The following AKAP11 variants were observed in gnomAD, a reference collection of about 807,000 sequenced individuals.
AKAP11 encodes A-kinase anchor protein 11.
AKAP11 carries 36 observed loss-of-function variants against 146.1 expected under a neutral mutation model. The ratio of observed to expected loss-of-function variants is 0.25; its 90% CI spans 0.19 to 0.33. The LOEUF is 0.33. Ranked by LOEUF, AKAP11 falls within the 10% of genes least tolerant of loss-of-function variation. The pLI, the probability that AKAP11 is intolerant of heterozygous loss-of-function variation, is 1.00. For synonymous variants in AKAP11, 780 were observed against 786.5 expected (o/e 0.99, Z 0.14); for missense variants, 2,201 against 2,197.0 (o/e 1.00, Z -0.04).
intron 1 of AKAP11, among the ~76,000 whole-genome samples, chr13:42,277,198 A>C (rs1813954): frequency 0.67 from 102,656 of 152,112 alleles, 34,829 homozygotes; most frequent in East Asian, 0.79. Flanking sequence ...TATATTACAG[A>C]TGCACACTCA....
chr13:42,294,250 G>A (rs962132613), intron 4 of AKAP11, among the ~76,000 whole-genome samples: 1 of 152,016 alleles, frequency 6.6e-6, no homozygotes, highest in African/African-American at 2.4e-5. Context: ...TTTAAGTATT[G>A]CATATTTTTT....
Position 42,300,665 on chromosome 13 carries a change from C to T in AKAP11, c.1919C>T (p.Thr640Ile), listed in dbSNP as rs1363281461. ...DLQYVKKQIF[T>I]NTVARFAADL... ...CAGTATGTAAAGAAGCAGATATTCA[C>T]AAACACAGTTGCTAGGTTTGCTGCA... The change falls in exon 8 of 13, where the codon ACA becomes ATA. Residue 640 changes from threonine (T) to isoleucine (I), a missense_variant. Thr to Ile is a moderately conservative substitution (Grantham distance 89). Coordinates refer to ENST00000025301, the MANE Select transcript of AKAP11 (RefSeq NM_016248.4). 2.5e-6 allele frequency: 4 copies of T among 1,613,998 alleles called. No individual in the cohort carries two copies. Among genetic ancestry groups the T allele is most frequent in the African/African-American group, 2.7e-5 (2 of 74,924 alleles).
chr13:42,282,566 C>T (rs1959086492), intron 1 of AKAP11, among the ~76,000 whole-genome samples: 1 of 152,106 alleles, frequency 6.6e-6, no homozygotes, highest in South Asian at 2.1e-4. Context: ...CCCTATATCT[C>T]TGTTCTCTGT....
rs112918090 is a variant in AKAP11 at position 42,288,909 on chromosome 13, A to C, written c.51+2510A>C. 1.4e-3 allele frequency among the ~76,000 whole-genome samples: 208 copies of C among 152,316 alleles called. 1 individual carries two copies. Among genetic ancestry groups the C allele is most frequent in the African/African-American group, 4.8e-3 (200 of 41,576 alleles). On this transcript the variant is annotated intron_variant, in intron 3 of 12. Transcript: ENST00000025301. ...AAGGTTTAATTGGATCAGGTTAAGC[A>C]TTTATGGCAAGAATACTTTATAGGG...
chr13:42,286,513 GT>G, intron 3 of AKAP11, 114 bp downstream of exon 3: 1 of 689,970 alleles, frequency 1.4e-6, no homozygotes, highest in Admixed American at 3.3e-5. Context: ...ATTTGAATTA[GT>G]AACATTGAAC....
At chr13:42,297,964 A>G (rs1336245818) in intron 6 of AKAP11, among the ~76,000 whole-genome samples, 2 of 151,974 alleles carry the variant, frequency 1.3e-5, no homozygotes, top group Non-Finnish European at 2.9e-5. Flanking sequence ...AAATAATTTC[A>G]TCAGTATTTA....
intron 11 of AKAP11, among the ~76,000 whole-genome samples, chr13:42,316,478 C>T (rs1440878069): frequency 6.6e-6 from 1 of 152,138 alleles, no homozygotes; most frequent in Non-Finnish European, 1.5e-5. Flanking sequence ...ATGGATCCCT[C>T]TTTGTGATGA....
At position 42,303,167 on chromosome 13, in the gene AKAP11, C is replaced by T. The variant is rs1229165305; in HGVS notation, c.4421C>T (p.Thr1474Ile). ...SITKDAKEEL[T>I]ASLVGLPKSL... is the part of the protein sequence containing the mutation. ...ACAAAAGATGCTAAGGAAGAGTTGA[C>T]AGCCTCTCTAGTTGGCCTACCAAAA... Residue 1474 changes from threonine (T) to isoleucine (I), a missense_variant, in exon 8 of 13, where the codon ACA (threonine) becomes ATA (isoleucine). This residue lies in a region of AKAP11 where 1,867 missense variants were observed against 1,833.5 expected (regional missense o/e 1.02). Coordinates refer to ENST00000025301, the MANE Select transcript of AKAP11 (RefSeq NM_016248.4). 5 of 1,614,088 alleles carry T rather than the reference C, an allele frequency of 3.1e-6. No individual in the cohort carries two copies. The highest frequency in any genetic ancestry group is 4.2e-6 in the Non-Finnish European group (5 of 1,180,052).
rs971855928 is a variant in AKAP11 at position 42,303,000 on chromosome 13, C to T, written c.4254C>T (p.His1418=). The T allele has an allele frequency of 6.2e-7, 1 of 1,613,330 alleles. No individual in the cohort carries two copies. Among genetic ancestry groups the T allele is most frequent in the Non-Finnish European group, 8.5e-7 (1 of 1,179,902 alleles). The change falls in exon 8 of 13, where the codon CAC becomes CAT. Residue 1418 remains histidine, a synonymous_variant. Transcript: ENST00000025301. ...ELLMFSNKEH[H]QEADKKRQSK... ...TAATGTTTTCAAACAAAGAGCACCACCAAGAAGCAGACAAAAAGAGACAAA... is the reference window on the plus strand; with the variant it reads ...TAATGTTTTCAAACAAAGAGCACCATCAAGAAGCAGACAAAAAGAGACAAA...
chr13:42,308,427 T>G, intron 8 of AKAP11, 27 bp from the exon 9 acceptor site: 1 of 1,535,844 alleles, frequency 6.5e-7, no homozygotes, highest in Non-Finnish European at 8.8e-7. Flanking sequence ...TTCAATTTGA[T>G]TTTTTTTCTT....
At position 42,293,944 on chromosome 13, in the gene AKAP11, A is replaced by G. The variant is rs1021955355; in HGVS notation, c.168+1443A>G. Among the ~76,000 whole-genome samples the G allele has an allele frequency of 1.1e-4, 16 of 152,176 alleles. No individual in the cohort carries two copies. The South Asian group carries it at 3.1e-3, about 30-fold the overall frequency. On this transcript the variant is annotated intron_variant, in intron 4 of 12. Transcript: ENST00000025301. ...TAATGTGCTAGGCACTTTCCTCTAC[A>G]TTATCCAGTTAACCTCAGAACTATG...
chr13:42,275,733 C>T (rs994759740), intron 1 of AKAP11, among the ~76,000 whole-genome samples: 4 of 152,146 alleles, frequency 2.6e-5, no homozygotes, highest in African/African-American at 9.7e-5. Context: ...ACTCAGTTTT[C>T]CTATGCGTAG....
At chr13:42,286,540 C>A in intron 3 of AKAP11, 141 bp downstream of exon 3, 1 of 526,926 alleles carries the variant, frequency 1.9e-6, no homozygotes, top group Non-Finnish European at 3.2e-6. Context: ...CAAAGATTGG[C>A]ATGTATGAAA....
intron 8 of AKAP11, among the ~76,000 whole-genome samples, chr13:42,307,654 T>A (rs1167352420): frequency 6.6e-6 from 1 of 151,106 alleles, no homozygotes; most frequent in African/African-American, 2.4e-5. Context: ...CTTGTATTGC[T>A]GAAGTGGGAG....
Position 42,301,952 on chromosome 13 carries a change from C to T in AKAP11, c.3206C>T (p.Ser1069Leu). The T allele has an allele frequency of 6.2e-7, 1 of 1,614,126 alleles. No homozygotes were observed. Among genetic ancestry groups the T allele is most frequent in the Non-Finnish European group, 8.5e-7 (1 of 1,180,014 alleles). The change falls in exon 8 of 13, where the codon TCA becomes TTA. Residue 1069 changes from serine (S) to leucine (L), a missense_variant. This residue lies in a region of AKAP11 where 1,867 missense variants were observed against 1,833.5 expected (regional missense o/e 1.02). Transcript: ENST00000025301. ...SFGQENPFPH[S>L]HTFSSTALTC... is the part of the protein sequence containing the mutation. ...GGACAGGAAAACCCCTTTCCTCATT[C>T]ACATACTTTCTCATCTACAGCACTT...
At position 42,316,925 on chromosome 13, in the gene AKAP11, C is replaced by G. The variant is rs7319975; in HGVS notation, c.5405-603C>G. 2.3e-3 allele frequency among the ~76,000 whole-genome samples: 353 copies of G among 152,114 alleles called. 1 individual carries two copies. The highest frequency in any genetic ancestry group is 8.1e-3 in the African/African-American group (338 of 41,484). The stretch of plus-strand genomic sequence containing the variant: ...TTGGGACAAAGTCTTGCTCTGTTGC[C>G]CAGGCTGGGTGGTGCAATCTCGGAT... On this transcript the variant is annotated intron_variant, in intron 11 of 12. Coordinates refer to ENST00000025301, the MANE Select transcript of AKAP11 (RefSeq NM_016248.4).
chr13:42,309,319 A>G (rs1960438034), intron 9 of AKAP11, among the ~76,000 whole-genome samples: 1 of 152,236 alleles, frequency 6.6e-6, no homozygotes, highest in Non-Finnish European at 1.5e-5. Flanking sequence ...ACATTAAGTG[A>G]TAACTGGAAA....
chr13:42,315,105 C>G (rs1305973376), intron 11 of AKAP11, among the ~76,000 whole-genome samples: 1 of 152,122 alleles, frequency 6.6e-6, no homozygotes, highest in East Asian at 1.9e-4. Context: ...AAAATTGCTT[C>G]TCTAGAAGCA....
intron 9 of AKAP11, 33 bp from the exon 10 acceptor site, chr13:42,313,014 T>C (rs1960637312): frequency 6.4e-7 from 1 of 1,570,776 alleles, no homozygotes. Context: ...ATTCATTTTC[T>C]AGTTCAGCTC....
Sources: allele counts gnomAD v4.1 joint callset (sites outside exome capture counted in the v4.1 genomes callset), GRCh38; gene constraint gnomAD v4.1.1; regional missense constraint gnomAD v4.1.1; transcripts MANE v1.5; gene names NCBI Gene and HGNC (gene_info 2026-07-23, HGNC 2026-07-21).